The following CLSTN2 variants were observed in gnomAD, a reference collection of about 807,000 sequenced individuals.
The protein encoded by CLSTN2 is calsyntenin 2, also known as calsyntenin-2.
Under a neutral mutation model 101.2 loss-of-function variants are expected in CLSTN2, and 48 were observed. That is an observed-to-expected ratio of 0.47 (90% confidence interval 0.38 to 0.60). CLSTN2 has a LOEUF of 0.60. Ranked by LOEUF, CLSTN2 falls within the 20% of genes least tolerant of loss-of-function variation. CLSTN2 has a pLI of 0.00. For synonymous variants in CLSTN2, 481 were observed against 463.6 expected (o/e 1.04, Z -0.48); for missense variants, 1,160 against 1,238.2 (o/e 0.94, Z 0.95).
intron 1 of CLSTN2, among the ~76,000 whole-genome samples, chr3:140,043,551 G>C (rs1456694183): frequency 3.3e-5 from 5 of 152,108 alleles, no homozygotes; most frequent in Admixed American, 3.3e-4. Context: ...TGCCAATTTT[G>C]GCTTCTGTTG....
intron 5 of CLSTN2, among the ~76,000 whole-genome samples, chr3:140,427,207 GTATATATATATATATATGTGTGTATA>G (rs1559866720): frequency 1.2e-4 from 10 of 84,986 alleles, no homozygotes; most frequent in African/African-American, 7.4e-4. Context: ...ATATATATGT[GTATATATATATATATATGTGTGTATA>G]TATATATATA....
At chr3:140,084,625 A>G (rs1459088674) in intron 1 of CLSTN2, among the ~76,000 whole-genome samples, 1 of 152,170 alleles carries the variant, frequency 6.6e-6, no homozygotes, top group African/African-American at 2.4e-5. Flanking sequence ...GGTTCAAGGA[A>G]ACTACCTGAG....
chr3:140,480,447 T>C (rs547836902), intron 8 of CLSTN2, among the ~76,000 whole-genome samples: 13 of 152,344 alleles, frequency 8.5e-5, no homozygotes. Flanking sequence ...TTATAATCCT[T>C]TGGGTATATA....
At chr3:140,470,616 T>TTA (rs1291894155) in intron 8 of CLSTN2, among the ~76,000 whole-genome samples, 3 of 152,132 alleles carry the variant, frequency 2.0e-5, no homozygotes, top group African/African-American at 7.2e-5. Context: ...AAGTGGCTTT[T>TTA]TATATCATAT....
intron 2 of CLSTN2, among the ~76,000 whole-genome samples, chr3:140,371,758 C>A (rs373691535): frequency 7.5e-4 from 114 of 152,314 alleles, no homozygotes; most frequent in African/African-American, 2.5e-3. Flanking sequence ...AGTTATGGTC[C>A]AATAGCAGGC....
At chr3:140,457,639 G>C (rs926821173) in intron 6 of CLSTN2, among the ~76,000 whole-genome samples, 24 of 152,214 alleles carry the variant, frequency 1.6e-4, no homozygotes, top group African/African-American at 5.8e-4. Flanking sequence ...AGCAGCAGGG[G>C]GTGAGAACAG....
intron 1 of CLSTN2, among the ~76,000 whole-genome samples, chr3:140,102,598 T>C: frequency 6.6e-6 from 1 of 152,220 alleles, no homozygotes; most frequent in East Asian, 1.9e-4. Context: ...TGCAGACAAC[T>C]AAAACTCAAT....
At chr3:140,385,924 G>A (rs1020695920) in intron 2 of CLSTN2, among the ~76,000 whole-genome samples, 5 of 152,150 alleles carry the variant, frequency 3.3e-5, no homozygotes, top group African/African-American at 7.2e-5. Flanking sequence ...AGAGAAGCAC[G>A]GAGGCAGGAG....
chr3:140,392,329 T>G (rs920551744), intron 2 of CLSTN2, among the ~76,000 whole-genome samples: 1 of 151,962 alleles, frequency 6.6e-6, no homozygotes, highest in African/African-American at 2.4e-5. Flanking sequence ...AATGAGAAAT[T>G]TTCTATTCTA....
chr3:140,039,001 C>CA (rs1331694118), intron 1 of CLSTN2, among the ~76,000 whole-genome samples: 1 of 152,174 alleles, frequency 6.6e-6, no homozygotes, highest in Non-Finnish European at 1.5e-5. Flanking sequence ...AGTCTGACAC[C>CA]ACTTACCCCA....
chr3:140,389,054 T>TTA (rs1410307053), intron 2 of CLSTN2, among the ~76,000 whole-genome samples: 2 of 152,186 alleles, frequency 1.3e-5, no homozygotes, highest in African/African-American at 2.4e-5. Flanking sequence ...CATAATCCCT[T>TTA]TTATAGAGTT....
At chr3:140,223,269 T>G (rs1407605799) in intron 2 of CLSTN2, among the ~76,000 whole-genome samples, 1 of 152,208 alleles carries the variant, frequency 6.6e-6, no homozygotes, top group African/African-American at 2.4e-5. Context: ...TTGTTATGAT[T>G]GTGGTGCAAC....
chr3:140,421,320 G>A (rs1366289411), intron 5 of CLSTN2, 46 bp downstream of exon 5: 2 of 1,605,988 alleles, frequency 1.2e-6, no homozygotes, highest in African/African-American at 1.3e-5. Context: ...ATGGTCTGAT[G>A]TATAGAAGGT....
intron 1 of CLSTN2, among the ~76,000 whole-genome samples, chr3:140,009,011 C>CT (rs1197040024): frequency 6.6e-6 from 1 of 152,162 alleles, no homozygotes; most frequent in African/African-American, 2.4e-5. Context: ...GCCTTGTTGA[C>CT]TTTATTTTTG....
chr3:140,077,697 A>T (rs570314872), intron 1 of CLSTN2, among the ~76,000 whole-genome samples: 6 of 152,144 alleles, frequency 3.9e-5, no homozygotes, highest in African/African-American at 1.4e-4. Context: ...GGAGGAAAAA[A>T]AAAAAACCTC....
intron 5 of CLSTN2, among the ~76,000 whole-genome samples, chr3:140,422,904 A>T (rs188131738): frequency 4.5e-4 from 68 of 152,384 alleles, no homozygotes; most frequent in Middle Eastern, 3.4e-3. Context: ...AATGAATGAA[A>T]GAAAAGGTAT....
intron 5 of CLSTN2, among the ~76,000 whole-genome samples, chr3:140,443,089 C>T (rs542440879): frequency 2.2e-4 from 34 of 152,342 alleles, no homozygotes; most frequent in African/African-American, 7.9e-4. Context: ...TACCCCATTC[C>T]CATCCCTCTC....
intron 8 of CLSTN2, among the ~76,000 whole-genome samples, chr3:140,510,589 T>G (rs945172718): frequency 6.6e-6 from 1 of 152,208 alleles, no homozygotes; most frequent in South Asian, 2.1e-4. Context: ...GGTGGTCTCT[T>G]TGACACAGGC....
In CLSTN2 at chr3:140,308,910, C is replaced by A. The variant is rs945198553; in HGVS notation, c.233-94719C>A. Among the ~76,000 whole-genome samples the A allele has an allele frequency of 5.3e-5, 8 of 152,338 alleles. No homozygotes were observed. The East Asian group carries it at 1.5e-3, about 29-fold the overall frequency. On this transcript the variant is annotated intron_variant, in intron 2 of 16. Transcript: ENST00000458420. ...CAAGGGCAAATTCTCCATTAAGAAT[C>A]ATTTCCTAACTGGACTGTCCTGAAG...
Sources: gnomAD v4.1 joint callset for allele counts (sites outside exome capture counted in the v4.1 genomes callset) on GRCh38, gnomAD v4.1.1 for gene constraint, MANE v1.5 for transcripts, NCBI Gene and HGNC (gene_info 2026-07-23, HGNC 2026-07-21) for gene names.